The following SGSM3 variants were observed in gnomAD, a reference collection of about 807,000 sequenced individuals.
SGSM3 encodes RUN and SH3 containing 3.
Under a neutral mutation model 100.5 loss-of-function variants are expected in SGSM3, and 96 were observed. The observed-to-expected ratio is 0.96, with a 90% CI of 0.81 to 1.13. SGSM3 has a LOEUF of 1.13. Ranked by LOEUF, SGSM3 falls within the 50% of genes most tolerant of loss-of-function variation. SGSM3 has a pLI of 0.00. For missense variants in SGSM3, 1,001 were observed against 1,015.8 expected, an observed-to-expected ratio of 0.99 and a Z score of 0.20; for synonymous variants, 483 against 422.8, an observed-to-expected ratio of 1.14 and a Z score of -1.75.
chr22:40,389,762 G>GATGTGGTGCTGC (rs918897020), intron 1 of SGSM3, among the ~76,000 whole-genome samples: 1 of 151,478 alleles, frequency 6.6e-6, no homozygotes, highest in Non-Finnish European at 1.5e-5. Flanking sequence ...AAATTAGCTG[G>GATGTGGTGCTGC]ATGTGGTGCT....
chr22:40,395,754 C>T (rs993754365), intron 1 of SGSM3, among the ~76,000 whole-genome samples: 2 of 152,232 alleles, frequency 1.3e-5, no homozygotes, highest in Non-Finnish European at 2.9e-5. Flanking sequence ...TTGCCTGTGG[C>T]CACTCCCATT....
In SGSM3 at chr22:40,408,099, C is replaced by A. The variant is rs368879196; in HGVS notation, c.1608C>A (p.Val536=). 3.1e-6 allele frequency: 5 copies of A among 1,613,142 alleles called. No individual in the cohort carries two copies. The African/African-American group carries it at 4.0e-5, about 13-fold the overall frequency. Residue 536 remains valine, a synonymous_variant, in exon 15 of 22, where the codon GTC becomes GTA. Transcript: ENST00000248929. ...RGWFPAKFVE[V]LDERSKEYSI... is the part of the protein sequence containing the mutation. ...GGTTTCCAGCCAAGTTCGTGGAAGT[C>A]CTGGATGAGCGCAGCAAAGAGGTGA...
At chr22:40,380,166 T>A (rs1296967182) in intron 1 of SGSM3, among the ~76,000 whole-genome samples, 1 of 152,148 alleles carries the variant, frequency 6.6e-6, no homozygotes. Flanking sequence ...CCAAGAGAAC[T>A]TTATACAGTG....
chr22:40,410,089 CTG>C lies in SGSM3; in HGVS notation c.*334_*335del, dbSNP rs2052404642. 6.0e-6 allele frequency: 7 copies of C among 1,173,926 alleles called. No individual in the cohort carries two copies. Among genetic ancestry groups the C allele is most frequent in the Admixed American group, 5.2e-5 (1 of 19,102 alleles). 72.7% of individuals were successfully genotyped at this position (1,173,926 alleles called of 1,614,324 possible). The stretch of plus-strand genomic sequence containing the variant: ...CTGGCCTCTTTGGTTTATAAATAAA[CTG>C]TGTCTGTCTTTGAGAAAGCACCTAC... On this transcript the variant is annotated 3_prime_UTR_variant, in exon 22 of 22. Transcript: ENST00000248929.
chr22:40,377,235 A>G (rs756976967), intron 1 of SGSM3, among the ~76,000 whole-genome samples: 2 of 152,230 alleles, frequency 1.3e-5, no homozygotes, highest in Non-Finnish European at 2.9e-5. Context: ...TCAGGCCAAC[A>G]GATGTTAGGC....
intron 10 of SGSM3, 147 bp from the exon 11 acceptor site, chr22:40,406,870 G>A (rs2051621539): frequency 2.1e-6 from 2 of 955,520 alleles, no homozygotes; most frequent in Non-Finnish European, 1.6e-6. Context: ...CGGTTTGGGA[G>A]GAAGGCAGAC....
At chr22:40,406,702 A>G in intron 10 of SGSM3, 40 bp downstream of exon 10, 1 of 1,525,524 alleles carries the variant, frequency 6.6e-7, no homozygotes, top group Non-Finnish European at 9.0e-7. Context: ...CCCACAGCAC[A>G]CGGGGAGGAG....
At chr22:40,409,632 ACC>A (rs749434362) in intron 21 of SGSM3, 48 bp from the exon 22 acceptor site, 1 of 1,612,800 alleles carries the variant, frequency 6.2e-7, no homozygotes, top group Non-Finnish European at 8.5e-7. Flanking sequence ...GTTAGGAACT[ACC>A]CCAGCCATGC....
intron 1 of SGSM3, among the ~76,000 whole-genome samples, chr22:40,371,950 C>T (rs559801985): frequency 4.6e-5 from 7 of 152,040 alleles, no homozygotes; most frequent in Non-Finnish European, 1.0e-4. Flanking sequence ...CCGCCCGTCT[C>T]GGGCCTCCCA....
intron 1 of SGSM3, among the ~76,000 whole-genome samples, chr22:40,375,736 C>T (rs1256668860): frequency 6.6e-6 from 1 of 151,406 alleles, no homozygotes; most frequent in East Asian, 1.9e-4. Flanking sequence ...AATTAGCCTG[C>T]AAGCTAACAC....
intron 2 of SGSM3, 135 bp from the exon 3 acceptor site, chr22:40,401,458 C>G: frequency 3.3e-6 from 2 of 607,274 alleles, no homozygotes; most frequent in South Asian, 1.5e-5. Context: ...GTTGGCCAGG[C>G]TGGTCTCAAA....
chr22:40,408,875 CCT>C (rs2052099908), intron 18 of SGSM3, 33 bp downstream of exon 18: 1 of 1,613,790 alleles, frequency 6.2e-7, no homozygotes, highest in South Asian at 1.1e-5. Context: ...ACCCTAGAGA[CCT>C]CTCTGGGGTT....
chr22:40,390,124 A>G (rs2049156671), intron 1 of SGSM3: 1 of 152,066 alleles, frequency 6.6e-6, no homozygotes, highest in East Asian at 1.9e-4. Flanking sequence ...AGTTCCTCAT[A>G]CTCATTTCAT....
chr22:40,403,122 G>GTT (rs2050972921), intron 4 of SGSM3, among the ~76,000 whole-genome samples: 1 of 152,236 alleles, frequency 6.6e-6, no homozygotes, highest in Admixed American at 6.5e-5. Context: ...AGTGTTCACT[G>GTT]TTACACCTTG....
chr22:40,407,605 G>A lies in SGSM3; in HGVS notation c.1524+37G>A, dbSNP rs1013040239. 1.3e-6 allele frequency: 2 copies of A among 1,594,288 alleles called. No individual in the cohort carries two copies. The highest frequency in any genetic ancestry group is 1.1e-5 in the South Asian group (1 of 90,608). On this transcript the variant is annotated intron_variant, in intron 13 of 21. Coordinates refer to ENST00000248929, the MANE Select transcript of SGSM3 (RefSeq NM_015705.6). The surrounding 1 kb of genome is among the most constrained non-coding windows in gnomAD (Gnocchi z 4.7). The stretch of plus-strand genomic sequence containing the variant: ...CGCTGGACTACCAGGTCCTCAGGCT[G>A]TGGCGGGTTCCCCAGACTCCCTCCA...
In SGSM3 at chr22:40,409,449, C is replaced by T. The variant is rs751698808; in HGVS notation, c.2112-16C>T. ...TGGGGGTGACAAGAGCCTTACCACC[C>T]CTTCCTCACCTCTAGAGTCCTCTGC... On this transcript the variant is annotated splice_polypyrimidine_tract_variant and intron_variant, in intron 20 of 21. Transcript: ENST00000248929. 5 of 1,566,234 alleles carry T rather than the reference C, an allele frequency of 3.2e-6. No individual in the cohort carries two copies. In the East Asian group the frequency reaches 1.1e-4, roughly 35 times the overall value.
intron 1 of SGSM3, among the ~76,000 whole-genome samples, chr22:40,396,412 C>T (rs1054136504): frequency 9.9e-5 from 15 of 151,792 alleles, no homozygotes; most frequent in South Asian, 6.2e-4. Context: ...GCCAACACGG[C>T]GAAACCCCAA....
chr22:40,371,474 CA>C (rs2049593365), intron 1 of SGSM3, among the ~76,000 whole-genome samples: 1 of 152,088 alleles, frequency 6.6e-6, no homozygotes, highest in Admixed American at 6.6e-5. Flanking sequence ...TTAGTAAATT[CA>C]AGTCAAATCA....
chr22:40,376,038 C>A (rs1192407646), intron 1 of SGSM3, among the ~76,000 whole-genome samples: 3 of 151,580 alleles, frequency 2.0e-5, no homozygotes, highest in East Asian at 1.9e-4. Context: ...CAAAGGGAGA[C>A]CCTGTCTCAA....
Sources: gnomAD v4.1 joint callset for allele counts (sites outside exome capture counted in the v4.1 genomes callset) on GRCh38, gnomAD v4.1.1 for gene constraint, Gnocchi (gnomAD v3.1) non-coding constraint, MANE v1.5 for transcripts, NCBI Gene and HGNC (gene_info 2026-07-23, HGNC 2026-07-21) for gene names.